The following SARS1 variants were observed in gnomAD, a reference collection of about 807,000 sequenced individuals.
SARS1 encodes serine--tRNA ligase, cytoplasmic.
In SARS1, 25 loss-of-function variants were observed where a neutral mutation model predicts 63.7. The ratio of observed to expected loss-of-function variants is 0.39; its 90% CI spans 0.29 to 0.55. The LOEUF is 0.55. SARS1 is among the 20% of genes least tolerant of loss of function. SARS1 has a pLI of 0.62. For missense variants in SARS1, 417 were observed against 649.7 expected (o/e 0.64, Z 3.89); for synonymous variants, 231 against 243.5 (o/e 0.95, Z 0.48).
chr1:109,237,279 C>T lies in SARS1; in HGVS notation c.1293C>T (p.Cys431=), dbSNP rs781273195. 23 of 1,613,790 alleles carry T rather than the reference C, an allele frequency of 1.4e-5. No individual in the cohort carries two copies. Among genetic ancestry groups the T allele is most frequent in the East Asian group, 8.9e-5 (4 of 44,886 alleles). Residue 431 remains cysteine (C), a synonymous_variant, in exon 10 of 11, where the codon TGC becomes TGT. Transcript: ENST00000234677. The surrounding 1 kb of genome is among the most constrained non-coding windows in gnomAD (Gnocchi z 4.1). ...TCCATATGCTCAATGCTACCATGTGCGCCACTACCCGTACCATCTGCGCCA... is the reference window on the plus strand; with the variant it reads ...TCCATATGCTCAATGCTACCATGTGTGCCACTACCCGTACCATCTGCGCCA... ...EFVHMLNATM[C]ATTRTICAIL... is the part of the protein sequence containing the mutation.
chr1:109,224,288 G>A (rs1027577405), intron 2 of SARS1, among the ~76,000 whole-genome samples: 11 of 152,142 alleles, frequency 7.2e-5, no homozygotes, highest in African/African-American at 2.7e-4. Flanking sequence ...TTGTCTAGCT[G>A]TTTGTTGTCT....
chr1:109,217,975 A>G (rs1654829929), intron 1 of SARS1, among the ~76,000 whole-genome samples: 1 of 150,662 alleles, frequency 6.6e-6, no homozygotes, highest in Admixed American at 6.6e-5. Flanking sequence ...GCAGATCACA[A>G]GGTCAGGAGA....
In SARS1 at chr1:109,237,840, C is replaced by T. The variant is rs140969788; in HGVS notation, c.1497C>T (p.Asp499=). Reference sequence around the variant, plus strand: ...GCAAAAAGAAAGCAGCAGCAAGAGACGTCACCCTAGAAAACAGGCTGCAGA... The same window carrying T: ...GCAAAAAGAAAGCAGCAGCAAGAGATGTCACCCTAGAAAACAGGCTGCAGA... The part of the protein sequence containing the change: ...EGSKKKAAAR[D]VTLENRLQNM... Residue 499 remains aspartate, a synonymous_variant, in exon 11 of 11, where the codon GAC becomes GAT. Coordinates refer to ENST00000234677, the MANE Select transcript of SARS1 (RefSeq NM_006513.4). This position sits in a 1 kb window ranked among gnomAD's most constrained non-coding sequence, Gnocchi z 4.1. 1.5e-5 allele frequency: 24 copies of T among 1,614,108 alleles called. No homozygotes were observed. Among genetic ancestry groups the T allele is most frequent in the African/African-American group, 1.3e-4 (10 of 74,936 alleles).
chr1:109,218,448 G>A (rs1228571861), intron 1 of SARS1, among the ~76,000 whole-genome samples: 1 of 132,846 alleles, frequency 7.5e-6, no homozygotes, highest in African/African-American at 2.8e-5. Flanking sequence ...AAACTCCAAA[G>A]TATGTTTTAC....
chr1:109,213,979 C>T lies in SARS1; in HGVS notation c.-14C>T, dbSNP rs756746025. 55 of 1,604,596 alleles carry T rather than the reference C, an allele frequency of 3.4e-5. No individual in the cohort carries two copies. Among genetic ancestry groups the T allele is most frequent in the East Asian group, 4.6e-5 (2 of 43,942 alleles). On this transcript the variant is annotated 5_prime_UTR_variant, in exon 1 of 11. Coordinates refer to ENST00000234677, the MANE Select transcript of SARS1 (RefSeq NM_006513.4). ...ATCCTTGCTTCCCTGAGCGTTGGCC[C>T]GGGAGGAAAGAAGATGGTGCTGGAT...
In SARS1 at chr1:109,237,163, G is replaced by A; in HGVS notation, c.1258-81G>A. The A allele has an allele frequency of 6.5e-7, 1 of 1,539,306 alleles. No individual in the cohort carries two copies. The highest frequency in any genetic ancestry group is 8.7e-7 in the Non-Finnish European group (1 of 1,146,672). ...GGACAGTTGTGGTTGGGGAAGTCTG[G>A]TTGAATGGATGGTTCCTGGCCGTCA... On this transcript the variant is annotated intron_variant, in intron 9 of 10. Coordinates refer to ENST00000234677, the MANE Select transcript of SARS1 (RefSeq NM_006513.4). The surrounding 1 kb of genome is among the most constrained non-coding windows in gnomAD (Gnocchi z 4.1).
chr1:109,229,939 T>C (rs1030218460), intron 4 of SARS1, among the ~76,000 whole-genome samples: 10 of 152,218 alleles, frequency 6.6e-5, no homozygotes, highest in Non-Finnish European at 1.2e-4. Context: ...GATAAAAGTT[T>C]CCTGCTGAGC....
At chr1:109,218,831 C>T (rs1654853656) in intron 1 of SARS1, among the ~76,000 whole-genome samples, 3 of 152,144 alleles carry the variant, frequency 2.0e-5, no homozygotes, top group Non-Finnish European at 4.4e-5. Context: ...TTACAAATCT[C>T]TTACAGCATT....
chr1:109,226,939 T>G (rs1655102036), intron 2 of SARS1, among the ~76,000 whole-genome samples: 1 of 151,020 alleles, frequency 6.6e-6, no homozygotes, highest in Non-Finnish European at 1.5e-5. Context: ...TTATGCAAGT[T>G]TTGTTGAAGT....
At chr1:109,233,124 G>A (rs1485447484) in intron 6 of SARS1, among the ~76,000 whole-genome samples, 10 of 152,014 alleles carry the variant, frequency 6.6e-5, no homozygotes, top group African/African-American at 9.7e-5. Flanking sequence ...CACTGAAAAC[G>A]TGGCTGATGC....
intron 4 of SARS1, 36 bp from the exon 5 acceptor site, chr1:109,230,842 T>C (rs1271869085): frequency 6.5e-7 from 1 of 1,534,522 alleles, no homozygotes; most frequent in South Asian, 1.2e-5. Context: ...TAAAATCATA[T>C]GTCTTGTATG....
chr1:109,224,053 G>A lies in SARS1; in HGVS notation c.207+5G>A, dbSNP rs1408424164. On this transcript the variant is annotated splice_donor_5th_base_variant and intron_variant, in intron 2 of 10. Coordinates refer to ENST00000234677, the MANE Select transcript of SARS1 (RefSeq NM_006513.4). ...ACAATCGGAGAGAAAATGAAGGTAA[G>A]AGAACTGAATAACAAACAGCCATGA... The A allele has an allele frequency of 3.7e-6, 6 of 1,607,242 alleles. No individual in the cohort carries two copies. The highest frequency in any genetic ancestry group is 2.2e-5 in the East Asian group (1 of 44,842).
Position 109,237,058 on chromosome 1 carries a change from G to T in SARS1, c.1258-186G>T, listed in dbSNP as rs905121518. 1.6e-6 allele frequency: 2 copies of T among 1,219,494 alleles called. No individual in the cohort carries two copies. The highest frequency in any genetic ancestry group is 1.5e-5 in the African/African-American group (1 of 65,250). The allele number at this position is 1,219,494 out of a possible 1,614,324, so 75.5% of individuals were successfully genotyped here. ...TCGAAACATGAGGGATCTTTCTGCA[G>T]TTATCTAATAGGCAATAAATACCAA... On this transcript the variant is annotated intron_variant, in intron 9 of 10. Coordinates refer to ENST00000234677, the MANE Select transcript of SARS1 (RefSeq NM_006513.4). This position sits in a 1 kb window ranked among gnomAD's most constrained non-coding sequence, Gnocchi z 4.1.
chr1:109,237,561 A>C lies in SARS1; in HGVS notation c.1388-170A>C, dbSNP rs986572928. ...AGTAGCCAGTGCAGGTATGATGTTGAAATGCTGCTAAAATTCAGACTAGGG... is the reference window on the plus strand; with the variant it reads ...AGTAGCCAGTGCAGGTATGATGTTGCAATGCTGCTAAAATTCAGACTAGGG... On this transcript the variant is annotated intron_variant, in intron 10 of 10. Transcript: ENST00000234677. This position sits in a 1 kb window ranked among gnomAD's most constrained non-coding sequence, Gnocchi z 4.1. 6.6e-6 allele frequency among the ~76,000 whole-genome samples: 1 copy of C among 152,212 alleles called. No homozygotes were observed. Among genetic ancestry groups the C allele is most frequent in the African/African-American group, 2.4e-5 (1 of 41,450 alleles).
At position 109,237,680 on chromosome 1, in the gene SARS1, C is replaced by A; in HGVS notation, c.1388-51C>A. The A allele has an allele frequency of 6.2e-7, 1 of 1,600,852 alleles. No individual in the cohort carries two copies. The highest frequency in any genetic ancestry group is 8.5e-7 in the Non-Finnish European group (1 of 1,170,488). On this transcript the variant is annotated intron_variant, in intron 10 of 10. Coordinates refer to ENST00000234677, the MANE Select transcript of SARS1 (RefSeq NM_006513.4). The surrounding 1 kb of genome is among the most constrained non-coding windows in gnomAD (Gnocchi z 4.1). ...TGAATTCTCCCCAGAGGTCTTAGGG[C>A]TTTGACTCACTGAGAAACAACAGGT... is the stretch of plus-strand genomic sequence containing the variant.
intron 1 of SARS1, among the ~76,000 whole-genome samples, chr1:109,221,734 A>AC (rs1654932280): frequency 1.3e-5 from 2 of 152,110 alleles, no homozygotes; most frequent in African/African-American, 4.8e-5. Flanking sequence ...GAGAAATTAA[A>AC]AACAATGAAG....
chr1:109,228,721 C>T (rs1655143736), intron 3 of SARS1, among the ~76,000 whole-genome samples: 1 of 152,180 alleles, frequency 6.6e-6, no homozygotes. Flanking sequence ...CCGTTTGTTA[C>T]ACAAAGGCAA....
rs137908820 is a variant in SARS1 at position 109,229,819 on chromosome 1, C to T, written c.447+247C>T. 1.5e-3 allele frequency among the ~76,000 whole-genome samples: 233 copies of T among 152,310 alleles called. 1 individual carries two copies. Among genetic ancestry groups the T allele is most frequent in the African/African-American group, 5.4e-3 (223 of 41,554 alleles). Reference sequence around the variant, plus strand: ...TTCTAAATAGGGCTGCTGTCCTCCGCTGCATGTTGCCCGTGGTAGCAGGCA... The same window carrying T: ...TTCTAAATAGGGCTGCTGTCCTCCGTTGCATGTTGCCCGTGGTAGCAGGCA... On this transcript the variant is annotated intron_variant, in intron 4 of 10. Coordinates refer to ENST00000234677, the MANE Select transcript of SARS1 (RefSeq NM_006513.4).
In SARS1 at chr1:109,216,830, C is replaced by T. The variant is rs537658099; in HGVS notation, c.136+2702C>T. 58 of 687,762 alleles carry T rather than the reference C, an allele frequency of 8.4e-5. 1 individual carries two copies. The African/African-American group carries it at 1.1e-3, about 13-fold the overall frequency. The allele number at this position is 687,762 out of a possible 1,614,324, so 42.6% of individuals were successfully genotyped here. On this transcript the variant is annotated intron_variant, in intron 1 of 10. Transcript: ENST00000234677. ...TAGAGATGGAGTTTCGTCATGTTGC[C>T]TAGGCTGGCCTCAAACTCCTGGCCT...
Sources: allele counts gnomAD v4.1 joint callset (sites outside exome capture counted in the v4.1 genomes callset), GRCh38; gene constraint gnomAD v4.1.1; non-coding constraint Gnocchi (gnomAD v3.1); transcripts MANE v1.5; gene names NCBI Gene and HGNC (gene_info 2026-07-23, HGNC 2026-07-21).